The following SMC1A variants were observed in gnomAD, a reference collection of about 807,000 sequenced individuals.
SMC1A encodes structural maintenance of chromosomes protein 1A.
A neutral mutation model predicts 94.5 loss-of-function variants in SMC1A; 4 were observed. That is an observed-to-expected ratio of 0.04 (90% CI 0.02 to 0.10). The LOEUF (loss-of-function observed/expected upper bound fraction) is 0.10, where lower values mean the gene tolerates loss of function less well. Among genes scored for constraint, SMC1A ranks in the 10% least tolerant of loss-of-function variants. The pLI is 1.00. For missense variants in SMC1A, 304 were observed against 989.0 expected, an observed-to-expected ratio of 0.31 and a Z score of 9.29; for synonymous variants, 345 against 347.7, an observed-to-expected ratio of 0.99 and a Z score of 0.09.
chrX:53,381,568 C>A (rs1383056981), intron 22 of SMC1A: 2 of 132,427 alleles, frequency 1.5e-5, no homozygotes, highest in Non-Finnish European at 3.0e-5. Context: ...TCTTCCCTGG[C>A]CTACCCATAC....
rs185209107 is a variant in SMC1A, at chrX:53,394,717, G to A, written c.2973+61C>T. On this transcript the variant is annotated intron_variant, in intron 19 of 24. Coordinates refer to ENST00000322213, the MANE Select transcript of SMC1A (RefSeq NM_006306.4). ...GCTGACCTCCTCTCTGGACAACTAG[G>A]AAGATAGTCCCACTCCCACCCAACC... is the stretch of plus-strand genomic sequence containing the variant. 3.1e-3 allele frequency: 2,166 copies of A among 694,899 alleles called. 53 individuals carry two copies. The African/African-American group carries it at 0.041, about 13-fold the overall frequency. The allele number at this position is 694,899 out of a possible 1,213,427, so 57.3% of individuals were successfully genotyped here. A position where few individuals can be genotyped will look rare whatever the true frequency, so the allele number is the denominator to read the frequency against.
In SMC1A at chrX:53,412,990, C is replaced by T. The variant is rs782606119; in HGVS notation, c.764G>A (p.Arg255His). ...KNKEIEKDKK[R>H]MDKVEDELKE... is the part of the protein sequence containing the mutation. ...CAGTTCATCCTCCACCTTGTCCATA[C>T]GCTTCTTGTCCTTCTCGATCTCCTT... is the stretch of plus-strand genomic sequence containing the variant. Residue 255 changes from arginine (R) to histidine (H), a missense_variant, in exon 5 of 25, where the codon CGT becomes CAT. Coordinates refer to ENST00000322213, the MANE Select transcript of SMC1A (RefSeq NM_006306.4). The T allele has an allele frequency of 1.6e-5, 19 of 1,202,009 alleles. No individual in the cohort carries two copies. Among genetic ancestry groups the T allele is most frequent in the African/African-American group, 1.4e-4 (8 of 56,978 alleles).
At chrX:53,380,946 C>T (rs2075580021) in intron 23 of SMC1A, 72 bp downstream of exon 23, 2 of 916,561 alleles carry the variant, frequency 2.2e-6, no homozygotes, top group East Asian at 6.2e-5. Flanking sequence ...AGGGCACGCT[C>T]AGGAGTTGCT....
At position 53,412,237 on chromosome X, in the gene SMC1A, A is replaced by G; in HGVS notation, c.871T>C (p.Leu291=). The G allele has an allele frequency of 8.3e-7, 1 of 1,211,317 alleles. No homozygotes were observed. Among genetic ancestry groups the G allele is most frequent in the Non-Finnish European group, 1.1e-6 (1 of 895,293 alleles). The part of the protein sequence containing the change: ...EKEIKEKDSE[L]NQKRPQYIKA... ...ATGTACTGAGGCCGCTTCTGGTTCA[A>G]TTCTGAGTCCTTCTCCCTTTTGCCA... The change falls in exon 6 of 25, where the codon TTG becomes CTG. Residue 291 remains leucine (L), a synonymous_variant. Coordinates refer to ENST00000322213, the MANE Select transcript of SMC1A (RefSeq NM_006306.4).
Position 53,381,072 on chromosome X carries a change from G to C in SMC1A, c.3453C>G (p.Pro1151=). 1.7e-6 allele frequency: 2 copies of C among 1,208,620 alleles called. No homozygotes were observed. Among genetic ancestry groups the C allele is most frequent in the African/African-American group, 1.7e-5 (1 of 57,685 alleles). ...LFAIHSYKPA[P]FFVLDEIDAA... is the part of the protein sequence containing the mutation. ...CATCAATCTCATCCAGGACGAAGAA[G>C]GGGGCTGGCTTGTAGCTGGGAGGGA... Residue 1151 remains proline (P), a synonymous_variant, in exon 23 of 25, where the codon CCC becomes CCG. Transcript: ENST00000322213.
rs1304063343 is a variant in SMC1A, at chrX:53,390,991, A to G, written c.2973+3787T>C. Among the ~76,000 whole-genome samples the G allele has an allele frequency of 3.0e-5, 3 of 99,440 alleles. No individual in the cohort carries two copies. The East Asian group carries it at 9.1e-4, about 30-fold the overall frequency. 86.4% of individuals were successfully genotyped at this position (99,440 alleles called of 115,157 possible). A position where few individuals can be genotyped will look rare whatever the true frequency, so the allele number is the denominator to read the frequency against. On this transcript the variant is annotated intron_variant, in intron 19 of 24. Coordinates refer to ENST00000322213, the MANE Select transcript of SMC1A (RefSeq NM_006306.4). ...TCCGTCTCAAAAAAAAAAAAAAAAA[A>G]AAAAAAGAAAAAGAAAAAAAAAAAA...
At chrX:53,422,000 G>A (rs782234647) in intron 1 of SMC1A, 2 of 1,210,185 alleles carry the variant, frequency 1.7e-6, no homozygotes, top group Admixed American at 4.3e-5. Flanking sequence ...GAGTAGAAAG[G>A]AGTTGGAGTG....
upstream of SMC1A, chrX:53,422,662 C>A: frequency 1.3e-6 from 1 of 770,797 alleles, no homozygotes; most frequent in Non-Finnish European, 2.0e-6. Context: ...ACTGAGGTAG[C>A]CCGCGCGGGA....
chrX:53,396,537 C>A lies in SMC1A; in HGVS notation c.2643G>T (p.Lys881Asn). The change falls in exon 17 of 25, where the codon AAG becomes AAT. Residue 881 changes from lysine (K) to asparagine (N), a missense_variant. By Grantham distance (94) the Lys-to-Asn change is moderately conservative. Coordinates refer to ENST00000322213, the MANE Select transcript of SMC1A (RefSeq NM_006306.4). ...CATGATTCTTGTCATTCACTTCCGA[C>A]TTCTTGGCCAGATGCTGATTCTTCA... ...QDLKNQHLAK[K>N]SEVNDKNHEM... 1 of 1,210,938 alleles carries A rather than the reference C, an allele frequency of 8.3e-7. No homozygotes were observed. The highest frequency in any genetic ancestry group is 1.1e-6 in the Non-Finnish European group (1 of 895,112).
chrX:53,422,725 G>C, upstream of SMC1A: 1 of 515,460 alleles, frequency 1.9e-6, no homozygotes, highest in Non-Finnish European at 3.5e-6. Flanking sequence ...ATACGTCCAG[G>C]CCTAACGGGA....
chrX:53,422,003 T>G (rs782006868), intron 1 of SMC1A: 5 of 1,206,070 alleles, frequency 4.1e-6, no homozygotes, highest in East Asian at 3.0e-5. Flanking sequence ...TAGAAAGGAG[T>G]TGGAGTGTAC....
Position 53,412,952 on chromosome X carries a change from T to C in SMC1A, c.802A>G (p.Lys268Glu), listed in dbSNP as rs1569359008. ...TCCCGCATCATTTTGCCCAGCTCCT[T>C]CTTCTTCTCCTTCAGTTCATCCTCC... ...KVEDELKEKK[K>E]ELGKMMREQQ... Residue 268 changes from lysine (K) to glutamate (E), a missense_variant, in exon 5 of 25, where the codon AAG (lysine) becomes GAG (glutamate). Coordinates refer to ENST00000322213, the MANE Select transcript of SMC1A (RefSeq NM_006306.4). 2.5e-6 allele frequency: 3 copies of C among 1,194,663 alleles called. No individual in the cohort carries two copies. The highest frequency in any genetic ancestry group is 3.4e-6 in the Non-Finnish European group (3 of 880,375).
At chrX:53,392,591 G>T (rs953600274) in intron 19 of SMC1A, among the ~76,000 whole-genome samples, 16 of 110,223 alleles carry the variant, frequency 1.5e-4, no homozygotes, top group South Asian at 7.8e-4. Flanking sequence ...GGGATTACAG[G>T]TATGCACCAC....
At position 53,381,041 on chromosome X, in the gene SMC1A, A is replaced by G; in HGVS notation, c.3484T>C (p.Leu1162=). The G allele has an allele frequency of 8.3e-7, 1 of 1,206,705 alleles. No individual in the cohort carries two copies. The highest frequency in any genetic ancestry group is 1.1e-6 in the Non-Finnish European group (1 of 892,374). The change falls in exon 23 of 25, where the codon TTG becomes CTG. Residue 1162 remains leucine (L), a synonymous_variant. Transcript: ENST00000322213. ...ACCTTGCCAATGTTGGTGTTATCCA[A>G]GGCAGCATCAATCTCATCCAGGACG... The part of the protein sequence containing the change: ...FFVLDEIDAA[L]DNTNIGKVAN...
At chrX:53,399,525 G>A in intron 16 of SMC1A, 64 bp downstream of exon 16, 1 of 1,047,291 alleles carries the variant, frequency 9.5e-7, no homozygotes, top group Admixed American at 2.2e-5. Context: ...CCTTCTGTCT[G>A]TCGTATTTCT....
chrX:53,403,171 C>CAAAAAAAAAAAAAAAAAAAAAAAAGGA (rs2075678202), intron 15 of SMC1A, among the ~76,000 whole-genome samples: 1 of 30,038 alleles, frequency 3.3e-5, no homozygotes, highest in Non-Finnish European at 5.1e-5. Context: ...GATCCTGTGT[C>CAAAAAAAAAAAAAAAAAAAAAAAAGGA]AAAAAAAAAA....
chrX:53,403,137 A>T (rs2075677897), intron 15 of SMC1A, among the ~76,000 whole-genome samples: 1 of 86,746 alleles, frequency 1.2e-5, no homozygotes, highest in Admixed American at 1.5e-4. Context: ...TTGACACTGC[A>T]CTCCAGTCTC....
chrX:53,421,974 T>C, intron 1 of SMC1A: 2 of 1,209,300 alleles, frequency 1.7e-6, no homozygotes, highest in Non-Finnish European at 2.2e-6. Context: ...AATTCAAAAG[T>C]GCCGCCTCCA....
intron 9 of SMC1A, among the ~76,000 whole-genome samples, chrX:53,408,340 C>A (rs2146601703): frequency 9.0e-6 from 1 of 110,802 alleles, no homozygotes; most frequent in East Asian, 2.8e-4. Flanking sequence ...CAAAATCAAT[C>A]AATCAATCAA....
Sources: allele counts gnomAD v4.1 joint callset (sites outside exome capture counted in the v4.1 genomes callset), GRCh38; gene constraint gnomAD v4.1.1; transcripts MANE v1.5; gene names NCBI Gene and HGNC (gene_info 2026-07-23, HGNC 2026-07-21).